The following INSR variants were observed in gnomAD, a reference collection of about 807,000 sequenced individuals.
INSR encodes IR.
In INSR, 67 loss-of-function variants were observed where a neutral mutation model predicts 142.6. The ratio of observed to expected loss-of-function variants is 0.47; its 90% CI spans 0.39 to 0.58. The LOEUF is 0.58. INSR is among the 20% of genes least tolerant of loss of function. INSR has a pLI of 0.00. For missense variants in INSR, 1,248 were observed against 1,833.2 expected (o/e 0.68, Z 5.83); for synonymous variants, 756 against 743.1 (o/e 1.02, Z -0.28).
chr19:7,245,615 A>C (rs1053813870), intron 2 of INSR, among the ~76,000 whole-genome samples: 2 of 151,936 alleles, frequency 1.3e-5, no homozygotes, highest in African/African-American at 4.8e-5. Flanking sequence ...TGCCCGGCTA[A>C]TTTTTGTATT....
rs1279638688 is a variant in INSR at position 7,216,159 on chromosome 19, C to T, written c.653-31522G>A. On this transcript the variant is annotated intron_variant, in intron 2 of 21. Coordinates refer to ENST00000302850, the MANE Select transcript of INSR (RefSeq NM_000208.4). The surrounding 1 kb of genome is among the most constrained non-coding windows in gnomAD (Gnocchi z 4.2). Reference sequence around the variant, plus strand: ...CCAACATGGTGAAACCCCGTCTCTACTAAAAGTACAAAAAATTAGCCAGGT... The same window carrying T: ...CCAACATGGTGAAACCCCGTCTCTATTAAAAGTACAAAAAATTAGCCAGGT... 3.3e-5 allele frequency among the ~76,000 whole-genome samples: 5 copies of T among 151,960 alleles called. No individual in the cohort carries two copies. Among genetic ancestry groups the T allele is most frequent in the Non-Finnish European group, 7.4e-5 (5 of 68,020 alleles).
At chr19:7,164,512 C>T (rs1253995771) in intron 8 of INSR, among the ~76,000 whole-genome samples, 1 of 150,700 alleles carries the variant, frequency 6.6e-6, no homozygotes, top group East Asian at 1.9e-4. Context: ...GGTGAAGCCC[C>T]ATCTCTATTA....
At chr19:7,120,587 C>G (rs1015073698) in intron 20 of INSR, 33 bp downstream of exon 20, 7 of 1,613,230 alleles carry the variant, frequency 4.3e-6, no homozygotes, top group Non-Finnish European at 4.2e-6. Flanking sequence ...AATTCAAGCC[C>G]AGCGTCCATC....
chr19:7,291,401 C>T (rs530497446), intron 1 of INSR, among the ~76,000 whole-genome samples: 6 of 152,212 alleles, frequency 3.9e-5, no homozygotes, highest in Admixed American at 6.5e-5. Flanking sequence ...ATATGCAAAG[C>T]GCATAGAACA....
At chr19:7,182,342 C>T (rs1974295647) in intron 3 of INSR, among the ~76,000 whole-genome samples, 2 of 151,632 alleles carry the variant, frequency 1.3e-5, no homozygotes. Context: ...CTCAAAAAAA[C>T]AAAAGCACAA....
chr19:7,123,027 C>G (rs776609249), intron 17 of INSR, 38 bp from the exon 18 acceptor site: 1 of 1,443,458 alleles, frequency 6.9e-7, no homozygotes. Context: ...GAGGAGGGTC[C>G]GTGATTCGAC....
intron 2 of INSR, among the ~76,000 whole-genome samples, chr19:7,240,278 C>T (rs754324296): frequency 2.3e-4 from 35 of 152,044 alleles, no homozygotes; most frequent in Non-Finnish European, 2.8e-4. Context: ...ATTACAGCAG[C>T]GAAAGATTTA....
chr19:7,291,596 C>T (rs1179229039), intron 1 of INSR, among the ~76,000 whole-genome samples: 1 of 152,104 alleles, frequency 6.6e-6, no homozygotes, highest in Non-Finnish European at 1.5e-5. Context: ...AGAAATGCAA[C>T]GGTGAACAAC....
chr19:7,122,861 T>TC lies in INSR; in HGVS notation c.3369+17dup. On this transcript the variant is annotated intron_variant, in intron 18 of 21. Coordinates refer to ENST00000302850, the MANE Select transcript of INSR (RefSeq NM_000208.4). ...GTGCTCCACCGAGTACCCCGCTGGG[T>TC]CCCCCGAAGCAGCTTACCTCAGCCT... The TC allele has an allele frequency of 6.2e-7, 1 of 1,609,728 alleles. No individual in the cohort carries two copies. The highest frequency in any genetic ancestry group is 8.5e-7 in the Non-Finnish European group (1 of 1,177,890).
intron 2 of INSR, among the ~76,000 whole-genome samples, chr19:7,207,302 A>C (rs781174361): frequency 1.9e-4 from 29 of 152,140 alleles, no homozygotes; most frequent in Non-Finnish European, 4.0e-4. Flanking sequence ...TGTAATCCCC[A>C]GCTGCTCGGG....
Position 7,150,579 on chromosome 19 carries a change from A to G in INSR, c.2232-47T>C, listed in dbSNP as rs759302901. 3 of 1,596,630 alleles carry G rather than the reference A, an allele frequency of 1.9e-6. No individual in the cohort carries two copies. Among genetic ancestry groups the G allele is most frequent in the Non-Finnish European group, 1.7e-6 (2 of 1,164,532 alleles). On this transcript the variant is annotated intron_variant, in intron 10 of 21. Transcript: ENST00000302850. This position sits in a 1 kb window ranked among gnomAD's most constrained non-coding sequence, Gnocchi z 4.2. ...CTTTGAGGACAGAGGGAACTTCATTAGACAGACCACTGGGCTCTGACACTT... is the reference window on the plus strand; with the variant it reads ...CTTTGAGGACAGAGGGAACTTCATTGGACAGACCACTGGGCTCTGACACTT...
Position 7,166,444 on chromosome 19 carries a change from GACCGTCAC to G in INSR, c.1611-48_1611-41del, listed in dbSNP as rs1270240256. On this transcript the variant is annotated intron_variant, in intron 7 of 21. Coordinates refer to ENST00000302850, the MANE Select transcript of INSR (RefSeq NM_000208.4). The surrounding 1 kb of genome is among the most constrained non-coding windows in gnomAD (Gnocchi z 4.1). Reference sequence around the variant, plus strand: ...CAGCAGAAGGCAGTTACCCTTACAAGACCGTCACACTGAGTGCCGTGCAGATGAGGCCT... The same window carrying G: ...CAGCAGAAGGCAGTTACCCTTACAAGACTGAGTGCCGTGCAGATGAGGCCT... 4 of 1,608,814 alleles carry G rather than the reference GACCGTCAC, an allele frequency of 2.5e-6. No homozygotes were observed. The highest frequency in any genetic ancestry group is 3.4e-6 in the Non-Finnish European group (4 of 1,178,526).
intron 8 of INSR, among the ~76,000 whole-genome samples, chr19:7,163,732 T>C (rs1430397623): frequency 2.6e-5 from 4 of 151,374 alleles, no homozygotes; most frequent in African/African-American, 9.7e-5. Context: ...CACTAAAAGA[T>C]ACAGGATGAA....
intron 9 of INSR, among the ~76,000 whole-genome samples, chr19:7,157,028 C>T (rs997618832): frequency 6.0e-5 from 9 of 151,004 alleles, no homozygotes; most frequent in Admixed American, 1.3e-4. Flanking sequence ...TTGCCCAGGC[C>T]GGACTGCAGT....
In INSR at chr19:7,122,871, C is replaced by T. The variant is rs1021366277; in HGVS notation, c.3369+8G>A. The T allele has an allele frequency of 1.2e-6, 2 of 1,609,322 alleles. No individual in the cohort carries two copies. The highest frequency in any genetic ancestry group is 1.7e-6 in the Non-Finnish European group (2 of 1,178,130). On this transcript the variant is annotated splice_region_variant and intron_variant, in intron 18 of 21. Coordinates refer to ENST00000302850, the MANE Select transcript of INSR (RefSeq NM_000208.4). Reference sequence around the variant, plus strand: ...GAGTACCCCGCTGGGTCCCCCGAAGCAGCTTACCTCAGCCTCTGGCCGCAG... The same window carrying T: ...GAGTACCCCGCTGGGTCCCCCGAAGTAGCTTACCTCAGCCTCTGGCCGCAG...
chr19:7,202,236 C>T (rs1974980305), intron 2 of INSR, among the ~76,000 whole-genome samples: 1 of 152,136 alleles, frequency 6.6e-6, no homozygotes, highest in African/African-American at 2.4e-5. Context: ...TCTAAAAGAT[C>T]CAGCTTTTTG....
chr19:7,114,237 T>A lies in INSR; in HGVS notation c.*2819A>T, dbSNP rs1223649272. ...CAGGGAGCCCAGGGCACCTTTGTGC[T>A]CACTTCAGGGGGATTCCATGGAACA... On this transcript the variant is annotated 3_prime_UTR_variant, in exon 22 of 22. Coordinates refer to ENST00000302850, the MANE Select transcript of INSR (RefSeq NM_000208.4). 2.0e-5 allele frequency: 3 copies of A among 152,120 alleles called. No homozygotes were observed. Among genetic ancestry groups the A allele is most frequent in the Non-Finnish European group, 4.4e-5 (3 of 68,044 alleles). The allele number at this position is 152,120 out of a possible 1,614,324, so 9.4% of individuals were successfully genotyped here. A position where few individuals can be genotyped will look rare whatever the true frequency, so the allele number is the denominator to read the frequency against.
chr19:7,167,982 C>G lies in INSR; in HGVS notation c.1596G>C (p.Leu532=), dbSNP rs1489626891. 1 of 1,614,096 alleles carries G rather than the reference C, an allele frequency of 6.2e-7. No homozygotes were observed. Among genetic ancestry groups the G allele is most frequent in the South Asian group, 1.1e-5 (1 of 91,074 alleles). Residue 532 remains leucine, a synonymous_variant, in exon 7 of 22, where the codon CTG becomes CTC. Coordinates refer to ENST00000302850, the MANE Select transcript of INSR (RefSeq NM_000208.4). The stretch of plus-strand genomic sequence containing the variant: ...CTTCTACTTACGCCTCTTTGTAGAA[C>G]AGCATGAACCCCAAGAGGTCTCGGA... The part of the protein sequence containing the change: ...PDFRDLLGFM[L]FYKEAPYQNV...
At chr19:7,164,092 T>TAAAAA (rs4031077) in intron 8 of INSR, among the ~76,000 whole-genome samples, 1 of 80,274 alleles carries the variant, frequency 1.2e-5, no homozygotes, top group Non-Finnish European at 2.3e-5. Context: ...GAAACTCCGT[T>TAAAAA]AAAAAAAAAA....
Sources: allele counts gnomAD v4.1 joint callset (sites outside exome capture counted in the v4.1 genomes callset), GRCh38; gene constraint gnomAD v4.1.1; non-coding constraint Gnocchi (gnomAD v3.1); transcripts MANE v1.5; gene names NCBI Gene and HGNC (gene_info 2026-07-23, HGNC 2026-07-21).